Variants in AEBP2 observed in about 807,000 individuals in gnomAD.
AEBP2 encodes the protein AE binding protein 2.
Under a neutral mutation model 50.8 loss-of-function variants are expected in AEBP2, and 10 were observed. That is an observed-to-expected ratio of 0.20 (90% CI 0.12 to 0.33). AEBP2 has a LOEUF of 0.33. Among genes scored for constraint, AEBP2 ranks in the 10% least tolerant of loss-of-function variants. The pLI, the probability that AEBP2 is intolerant of heterozygous loss-of-function variation, is 1.00. For synonymous variants in AEBP2, 296 were observed against 261.3 expected (o/e 1.13, Z -1.28); for missense variants, 570 against 688.0 (o/e 0.83, Z 1.92).
chr12:19,439,278 C>CCCGG (rs1947894727), upstream of AEBP2, among the ~76,000 whole-genome samples: 1 of 152,126 alleles, frequency 6.6e-6, no homozygotes, highest in African/African-American at 2.4e-5. Context: ...TGCTAAAATC[C>CCCGG]CCGGCCAGCG....
intron 7 of AEBP2, among the ~76,000 whole-genome samples, chr12:19,515,997 A>T (rs1949311979): frequency 1.3e-5 from 2 of 152,134 alleles, no homozygotes; most frequent in Admixed American, 6.5e-5. Flanking sequence ...AGGTAGGAGG[A>T]TTGCTTCAGC....
At chr12:19,455,307 A>G (rs973888456) in intron 1 of AEBP2, among the ~76,000 whole-genome samples, 1 of 152,180 alleles carries the variant, frequency 6.6e-6, no homozygotes, top group African/African-American at 2.4e-5. Flanking sequence ...TCATATTTCA[A>G]TAGCCCTTTA....
chr12:19,421,134 C>T (rs1237687814), intron 1 of AEBP2, among the ~76,000 whole-genome samples: 2 of 151,942 alleles, frequency 1.3e-5, no homozygotes, highest in African/African-American at 4.8e-5. Flanking sequence ...CATCTGAGGT[C>T]AGGAGTTCGA....
intron 2 of AEBP2, among the ~76,000 whole-genome samples, chr12:19,471,358 C>G (rs898482986): frequency 1.3e-5 from 2 of 151,770 alleles, no homozygotes; most frequent in African/African-American, 4.8e-5. Flanking sequence ...CTCAAGCAAT[C>G]CTCCTGCCTT....
chr12:19,456,424 T>C (rs1460323708), intron 1 of AEBP2: 1 of 1,400,040 alleles, frequency 7.1e-7, no homozygotes, highest in East Asian at 2.3e-5. Context: ...CCAGGAACCA[T>C]ATCAACGTTG....
Position 19,412,556 on chromosome 12 carries a change from G to T in AEBP2, c.-17+8340G>T, listed in dbSNP as rs189471601. 1.0e-3 allele frequency among the ~76,000 whole-genome samples: 157 copies of T among 152,062 alleles called. 1 individual carries two copies. The highest frequency in any genetic ancestry group is 3.7e-3 in the African/African-American group (154 of 41,456). On this transcript the variant is annotated intron_variant, in intron 1 of 3. Transcript: ENST00000538425. ...GTCTTCCAAAGTGCTGGGATTACAGGTGTGAGCCACTGCACCCGGCCTCCG... is the reference window on the plus strand; with the variant it reads ...GTCTTCCAAAGTGCTGGGATTACAGTTGTGAGCCACTGCACCCGGCCTCCG...
chr12:19,508,923 A>G lies in AEBP2; in HGVS notation c.1300-3475A>G, dbSNP rs12308820. On this transcript the variant is annotated intron_variant, in intron 5 of 7. Coordinates refer to ENST00000266508, the MANE Select transcript of AEBP2 (RefSeq NM_153207.5). ...CTCAGAATGGTCCAGCATTTGACATACTGTCGTAGGCTTTTCTACAATACA... is the reference window on the plus strand; with the variant it reads ...CTCAGAATGGTCCAGCATTTGACATGCTGTCGTAGGCTTTTCTACAATACA... The G allele has an allele frequency of 4.7e-3, 1,715 of 366,374 alleles. 27 individuals are homozygous for G. Among genetic ancestry groups the G allele is most frequent in the African/African-American group, 0.032 (1,572 of 48,510 alleles). 22.7% of individuals were successfully genotyped at this position (366,374 alleles called of 1,614,324 possible). A position where few individuals can be genotyped will look rare whatever the true frequency, so the allele number is the denominator to read the frequency against.
chr12:19,477,454 G>T (rs947159211), intron 3 of AEBP2, among the ~76,000 whole-genome samples: 2 of 152,050 alleles, frequency 1.3e-5, no homozygotes, highest in Non-Finnish European at 2.9e-5. Context: ...ATTACGTTAA[G>T]GTATGTTACT....
intron 2 of AEBP2, among the ~76,000 whole-genome samples, chr12:19,467,167 A>G (rs1026743204): frequency 2.6e-5 from 4 of 152,146 alleles, no homozygotes; most frequent in Non-Finnish European, 4.4e-5. Flanking sequence ...TGGCCTCCCA[A>G]AGTGCTAGGA....
intron 1 of AEBP2, among the ~76,000 whole-genome samples, chr12:19,404,962 T>C (rs938379287): frequency 2.1e-4 from 27 of 129,430 alleles, no homozygotes; most frequent in African/African-American, 8.0e-4. Context: ...TCAGACAAGG[T>C]CTCACTGTGT....
chr12:19,420,585 C>T (rs2095745116), intron 1 of AEBP2, among the ~76,000 whole-genome samples: 1 of 152,064 alleles, frequency 6.6e-6, no homozygotes, highest in Non-Finnish European at 1.5e-5. Context: ...CTCTGCCTCC[C>T]AAAGTGCTGG....
intron 1 of AEBP2, among the ~76,000 whole-genome samples, chr12:19,455,017 T>TC (rs1197416996): frequency 6.6e-6 from 1 of 152,062 alleles, no homozygotes; most frequent in Non-Finnish European, 1.5e-5. Flanking sequence ...TTTTTTTTTT[T>TC]CATGAGATAG....
intron 5 of AEBP2, among the ~76,000 whole-genome samples, chr12:19,509,490 T>TA (rs1214839015): frequency 6.6e-6 from 1 of 152,158 alleles, no homozygotes; most frequent in Non-Finnish European, 1.5e-5. Context: ...CTCACACCTG[T>TA]AATCTCAGCA....
chr12:19,431,116 A>G (rs2095751211), intron 1 of AEBP2, among the ~76,000 whole-genome samples: 1 of 152,214 alleles, frequency 6.6e-6, no homozygotes, highest in African/African-American at 2.4e-5. Context: ...ATAAGGGAGA[A>G]AGTGAAAAAG....
intron 5 of AEBP2, among the ~76,000 whole-genome samples, chr12:19,502,455 A>G (rs1269155485): frequency 1.3e-5 from 2 of 152,052 alleles, no homozygotes; most frequent in Non-Finnish European, 2.9e-5. Context: ...AATTTTTTAT[A>G]TGGTGAGAGC....
At position 19,427,738 on chromosome 12, in the gene AEBP2, G is replaced by C. The variant is rs532167974; in HGVS notation, c.-17+23522G>C. Among the ~76,000 whole-genome samples, 4 of 152,116 alleles carry C rather than the reference G, an allele frequency of 2.6e-5. 1 individual carries two copies. Among genetic ancestry groups the C allele is most frequent in the African/African-American group, 9.6e-5 (4 of 41,508 alleles). On this transcript the variant is annotated intron_variant, in intron 1 of 3. Transcript: ENST00000538425. ...ACCTAAGAGTCTGTCATAGTAGAAA[G>C]CTTTGGCTTTTATAGTGAAGGAAAC...
intron 3 of AEBP2, among the ~76,000 whole-genome samples, chr12:19,478,012 C>A (rs1323827409): frequency 6.6e-6 from 1 of 152,120 alleles, no homozygotes; most frequent in Non-Finnish European, 1.5e-5. Flanking sequence ...TTTTGTATTT[C>A]TGTGGTATTG....
intron 4 of AEBP2, among the ~76,000 whole-genome samples, chr12:19,497,660 A>G (rs190606689): frequency 9.9e-5 from 15 of 152,054 alleles, no homozygotes; most frequent in African/African-American, 3.6e-4. Context: ...TTTAGTAGAG[A>G]TGGGGTTTTA....
chr12:19,455,743 TA>T (rs1348509497), intron 1 of AEBP2, among the ~76,000 whole-genome samples: 1 of 152,204 alleles, frequency 6.6e-6, no homozygotes, highest in Non-Finnish European at 1.5e-5. Context: ...GTTTCTAAAC[TA>T]AGGGAAAAGA....
Sources: gnomAD v4.1 joint callset for allele counts (sites outside exome capture counted in the v4.1 genomes callset) on GRCh38, gnomAD v4.1.1 for gene constraint, MANE v1.5 for transcripts, NCBI Gene and HGNC (gene_info 2026-07-23, HGNC 2026-07-21) for gene names.